Variants in NEK7 observed in about 807,000 individuals in gnomAD.
NEK7 encodes serine/threonine-protein kinase Nek7.
In NEK7, 18 loss-of-function variants were observed where a neutral mutation model predicts 44.6. That is an observed-to-expected ratio of 0.40 (90% CI 0.28 to 0.60). The LOEUF is 0.60. NEK7 is among the 20% of genes least tolerant of loss of function. The probability of loss-of-function intolerance (pLI) is 0.38; values close to 1 mark genes in which losing one functional copy is unlikely to be tolerated. For synonymous variants in NEK7, 130 were observed against 121.1 expected, an observed-to-expected ratio of 1.07 and a Z score of -0.48; for missense variants, 256 against 366.5, an observed-to-expected ratio of 0.70 and a Z score of 2.46.
intron 1 of NEK7, among the ~76,000 whole-genome samples, chr1:198,209,070 T>TACAC (rs1665688264): frequency 1.3e-5 from 2 of 148,412 alleles, no homozygotes; most frequent in African/African-American, 5.0e-5. Flanking sequence ...CACACACACA[T>TACAC]ACGCACATAT....
chr1:198,228,244 A>G (rs932177337), intron 1 of NEK7, among the ~76,000 whole-genome samples: 2 of 152,130 alleles, frequency 1.3e-5, no homozygotes, highest in Non-Finnish European at 2.9e-5. Flanking sequence ...TTTTGGTACC[A>G]GTACCATGCT....
chr1:198,258,744 A>G (rs1347308017), intron 3 of NEK7, among the ~76,000 whole-genome samples: 1 of 152,178 alleles, frequency 6.6e-6, no homozygotes, highest in Non-Finnish European at 1.5e-5. Context: ...CCTTGCTCTT[A>G]CCAAGTATAA....
chr1:198,255,205 G>A (rs1324732178), intron 3 of NEK7, among the ~76,000 whole-genome samples: 1 of 152,136 alleles, frequency 6.6e-6, no homozygotes, highest in Non-Finnish European at 1.5e-5. Context: ...TGAACCGTAG[G>A]CAATTGAGGA....
chr1:198,248,377 A>G (rs1413484883), intron 2 of NEK7, among the ~76,000 whole-genome samples: 3 of 152,312 alleles, frequency 2.0e-5, no homozygotes, highest in Non-Finnish European at 4.4e-5. Context: ...AGTGAATAAA[A>G]GAACTAGGAC....
rs183014024 is a variant in NEK7 at position 198,287,369 on chromosome 1, G to A, written c.590-5576G>A. 4.3e-3 allele frequency among the ~76,000 whole-genome samples: 653 copies of A among 151,372 alleles called. 5 individuals are homozygous for A. Among genetic ancestry groups the A allele is most frequent in the African/African-American group, 0.015 (633 of 41,162 alleles). ...GGATCACGCCACTGCACTCCAGCCT[G>A]GGCAACAGAGCAAGACTCTGTCTCA... On this transcript the variant is annotated intron_variant, in intron 7 of 9. Transcript: ENST00000367385.
At chr1:198,259,852 C>T (rs568170369) in intron 3 of NEK7, among the ~76,000 whole-genome samples, 6 of 152,204 alleles carry the variant, frequency 3.9e-5, no homozygotes, top group South Asian at 2.1e-4. Flanking sequence ...AAGGGCATTA[C>T]GCATTCCTGC....
chr1:198,161,617 C>T (rs953633928), intron 1 of NEK7, among the ~76,000 whole-genome samples: 2 of 152,120 alleles, frequency 1.3e-5, no homozygotes, highest in African/African-American at 2.4e-5. Context: ...CCCAGCTGTC[C>T]ATTCCCAAAT....
chr1:198,208,113 T>C (rs1216218003), intron 1 of NEK7, among the ~76,000 whole-genome samples: 1 of 152,216 alleles, frequency 6.6e-6, no homozygotes, highest in Non-Finnish European at 1.5e-5. Flanking sequence ...TTTCTTCCTA[T>C]ATCTTTAGCC....
chr1:198,194,982 TTTTTGACTTTTTAATAATAGCC>T (rs1349345353), intron 1 of NEK7, among the ~76,000 whole-genome samples: 1 of 152,180 alleles, frequency 6.6e-6, no homozygotes, highest in Non-Finnish European at 1.5e-5. Flanking sequence ...CACCTGTTAT[TTTTTGACTTTTTAATAATAGCC>T]TTTTGACTTT....
chr1:198,209,940 C>T (rs1270455881), intron 1 of NEK7, among the ~76,000 whole-genome samples: 1 of 151,956 alleles, frequency 6.6e-6, no homozygotes, highest in Non-Finnish European at 1.5e-5. Flanking sequence ...CATCAGCCTC[C>T]CTAATAGCTG....
chr1:198,286,602 CT>C (rs1654378452), intron 7 of NEK7, among the ~76,000 whole-genome samples: 1 of 152,114 alleles, frequency 6.6e-6, no homozygotes, highest in Admixed American at 6.6e-5. Context: ...TTACCAAAAA[CT>C]TAGTGGCTTA....
intron 1 of NEK7, among the ~76,000 whole-genome samples, chr1:198,157,985 A>T (rs1318730334): frequency 6.6e-6 from 1 of 152,234 alleles, no homozygotes; most frequent in Non-Finnish European, 1.5e-5. Flanking sequence ...ACAAGACCGT[A>T]TGACCGCAGA....
intron 1 of NEK7, among the ~76,000 whole-genome samples, chr1:198,173,420 CTCTG>C (rs1469662034): frequency 6.8e-6 from 1 of 146,086 alleles, no homozygotes; most frequent in Non-Finnish European, 1.5e-5. Flanking sequence ...CAAAGTGAGA[CTCTG>C]TCTTTTAAAA....
chr1:198,310,170 T>G (rs1236340229), intron 9 of NEK7, among the ~76,000 whole-genome samples: 1 of 152,244 alleles, frequency 6.6e-6, no homozygotes, highest in African/African-American at 2.4e-5. Context: ...ATTGTGGTTT[T>G]GATTTGCATT....
At chr1:198,174,478 C>T (rs1333988715) in intron 1 of NEK7, among the ~76,000 whole-genome samples, 1 of 152,032 alleles carries the variant, frequency 6.6e-6, no homozygotes, top group Admixed American at 6.6e-5. Flanking sequence ...AGTAAAGTAA[C>T]AGACTAAATT....
At chr1:198,226,978 A>G (rs1165360036) in intron 1 of NEK7, among the ~76,000 whole-genome samples, 3 of 152,148 alleles carry the variant, frequency 2.0e-5, no homozygotes, top group Middle Eastern at 6.8e-3. Context: ...TTAACTTGTC[A>G]TTTAACATTA....
chr1:198,171,963 T>C (rs1300919239), intron 1 of NEK7, among the ~76,000 whole-genome samples: 1 of 152,208 alleles, frequency 6.6e-6, no homozygotes, highest in Non-Finnish European at 1.5e-5. Flanking sequence ...ATGGTGTCTG[T>C]CATCATACTT....
chr1:198,268,507 G>A (rs180780844), intron 5 of NEK7, among the ~76,000 whole-genome samples: 32 of 151,354 alleles, frequency 2.1e-4, no homozygotes, highest in African/African-American at 7.5e-4. Flanking sequence ...TCTCCCTATC[G>A]TCTCTCATTT....
At chr1:198,201,018 A>T (rs1256665395) in intron 1 of NEK7, among the ~76,000 whole-genome samples, 4 of 152,148 alleles carry the variant, frequency 2.6e-5, no homozygotes, top group Non-Finnish European at 4.4e-5. Flanking sequence ...GTGTTTATTC[A>T]TGTTGGCTTG....
Sources: gnomAD v4.1 joint callset for allele counts (sites outside exome capture counted in the v4.1 genomes callset) on GRCh38, gnomAD v4.1.1 for gene constraint, MANE v1.5 for transcripts, NCBI Gene and HGNC (gene_info 2026-07-23, HGNC 2026-07-21) for gene names.